F2: variants seen among roughly 807,000 people sequenced by gnomAD.
The protein encoded by F2 is coagulation factor II, thrombin.
In F2, 34 loss-of-function variants were observed where a neutral mutation model predicts 81.9. The observed-to-expected ratio is 0.42, with a 90% CI of 0.32 to 0.55. The LOEUF is 0.55. Among genes scored for constraint, F2 ranks in the 20% least tolerant of loss-of-function variants. The probability of loss-of-function intolerance (pLI) is 0.18; values close to 1 mark genes in which losing one functional copy is unlikely to be tolerated. For missense variants in F2, 630 were observed against 833.4 expected (o/e 0.76, Z 3.00); for synonymous variants, 296 against 326.4 (o/e 0.91, Z 1.01).
chr11:46,733,753 G>GT (rs2064927122), intron 12 of F2, among the ~76,000 whole-genome samples: 1 of 146,202 alleles, frequency 6.8e-6, no homozygotes, highest in Admixed American at 6.9e-5. Context: ...TGAAAATGAG[G>GT]TTGAACATCG....
At chr11:46,738,366 G>T (rs3136511) in intron 12 of F2, among the ~76,000 whole-genome samples, 1 of 152,168 alleles carries the variant, frequency 6.6e-6, no homozygotes, top group Non-Finnish European at 1.5e-5. Flanking sequence ...TAGAGGATAC[G>T]TGGGGAGATT....
intron 4 of F2, 33 bp downstream of exon 4, chr11:46,720,873 C>G (rs1237024730): frequency 6.2e-7 from 1 of 1,613,144 alleles, no homozygotes; most frequent in Non-Finnish European, 8.5e-7. Context: ...GGGAGCAGGA[C>G]ATGGAGGGGA....
chr11:46,722,205 C>G (rs2064841754), intron 4 of F2, among the ~76,000 whole-genome samples: 1 of 152,172 alleles, frequency 6.6e-6, no homozygotes, highest in Non-Finnish European at 1.5e-5. Flanking sequence ...GTGCCAGGCA[C>G]TATATCAGGT....
chr11:46,732,201 A>C (rs1228077249), intron 12 of F2, among the ~76,000 whole-genome samples: 2 of 151,928 alleles, frequency 1.3e-5, no homozygotes, highest in Non-Finnish European at 2.9e-5. Context: ...GGTGTGAGCC[A>C]ATACGCCTGG....
intron 12 of F2, among the ~76,000 whole-genome samples, chr11:46,738,532 G>A (rs1357552741): frequency 6.6e-6 from 1 of 151,948 alleles, no homozygotes; most frequent in Non-Finnish European, 1.5e-5. Context: ...GGAGTGTGGT[G>A]ACATGATCAC....
intron 12 of F2, among the ~76,000 whole-genome samples, chr11:46,735,770 A>C (rs1348944884): frequency 6.6e-6 from 1 of 151,840 alleles, no homozygotes; most frequent in East Asian, 1.9e-4. Context: ...TAAAAATACA[A>C]AATTAGCCAG....
At chr11:46,720,701 C>G in intron 3 of F2, 89 bp from the exon 4 acceptor site, 1 of 1,544,130 alleles carries the variant, frequency 6.5e-7, no homozygotes, top group Non-Finnish European at 9.0e-7. Context: ...ATCCATCTTT[C>G]TGTTTCTCAC....
At chr11:46,735,918 C>T (rs184641296) in intron 12 of F2, among the ~76,000 whole-genome samples, 239 of 146,328 alleles carry the variant, frequency 1.6e-3, no homozygotes, top group Non-Finnish European at 2.7e-3. Context: ...GTAAAAACTC[C>T]GTTTCGCCAG....
chr11:46,739,199 C>T (rs2064962380), intron 13 of F2, 66 bp from the exon 14 acceptor site: 7 of 1,613,486 alleles, frequency 4.3e-6, no homozygotes, highest in Middle Eastern at 3.3e-4. Flanking sequence ...AAACAGTTGC[C>T]TGGCAGGGGA....
chr11:46,729,642 G>A, intron 12 of F2, 81 bp downstream of exon 12: 1 of 1,529,186 alleles, frequency 6.5e-7, no homozygotes, highest in Admixed American at 1.8e-5. Context: ...CAAGCCATGT[G>A]ACTTTGAGCA....
Position 46,729,394 on chromosome 11 carries a change from G to T in F2, c.1487G>T (p.Gly496Val). 1 of 1,614,014 alleles carries T rather than the reference G, an allele frequency of 6.2e-7. No individual in the cohort carries two copies. The highest frequency in any genetic ancestry group is 8.5e-7 in the Non-Finnish European group (1 of 1,179,980). Reference sequence around the variant, plus strand: ...CTTCCCCAAAGCTTGCTCCAGGCTGGATACAAGGGGCGGGTGACAGGCTGG... The same window carrying T: ...CTTCCCCAAAGCTTGCTCCAGGCTGTATACAAGGGGCGGGTGACAGGCTGG... ...RETAASLLQAGYKGRVTGWGN... is the reference protein window; with the variant it reads ...RETAASLLQAVYKGRVTGWGN... Residue 496 changes from glycine to valine, a missense_variant, in exon 12 of 14, where the codon GGA becomes GTA. Coordinates refer to ENST00000311907, the MANE Select transcript of F2 (RefSeq NM_000506.5).
Position 46,739,136 on chromosome 11 carries a change from C to T in F2, c.1725+18C>T. The T allele has an allele frequency of 6.2e-7, 1 of 1,614,140 alleles. No homozygotes were observed. The highest frequency in any genetic ancestry group is 8.5e-7 in the Non-Finnish European group (1 of 1,180,014). On this transcript the variant is annotated intron_variant, in intron 13 of 13. Coordinates refer to ENST00000311907, the MANE Select transcript of F2 (RefSeq NM_000506.5). ...TCATGAAGGTAAGCTTCTCTAAAGC[C>T]CAGGGCCTGGTGAACACATCTTCTG...
chr11:46,719,832 C>T lies in F2; in HGVS notation c.210C>T (p.Ala70=). The T allele has an allele frequency of 6.3e-7, 1 of 1,580,994 alleles. No homozygotes were observed. The highest frequency in any genetic ancestry group is 1.3e-5 in the African/African-American group (1 of 74,410). The change falls in exon 2 of 14, where the codon GCC becomes GCT. Residue 70 remains alanine, a synonymous_variant. Coordinates refer to ENST00000311907, the MANE Select transcript of F2 (RefSeq NM_000506.5). This position sits in a 1 kb window ranked among gnomAD's most constrained non-coding sequence, Gnocchi z 4.7. ...CVEETCSYEE[A]FEALESSTAT... The stretch of plus-strand genomic sequence containing the variant: ...AGGAGACGTGCAGCTACGAGGAGGC[C>T]TTCGAGGCTCTGGAGTCCTCCACGG...
At position 46,726,894 on chromosome 11, in the gene F2, C is replaced by A; in HGVS notation, c.1130+57C>A. The A allele has an allele frequency of 1.2e-6, 2 of 1,608,646 alleles. No homozygotes were observed. The highest frequency in any genetic ancestry group is 1.7e-6 in the Non-Finnish European group (2 of 1,176,224). On this transcript the variant is annotated intron_variant, in intron 9 of 13. Transcript: ENST00000311907. This position sits in a 1 kb window ranked among gnomAD's most constrained non-coding sequence, Gnocchi z 5.9. ...TCCTGGGGGCAGGTGTGCTGCTGGA[C>A]CCCCACCCTCAGGCCCTGCCTGCAG...
chr11:46,724,395 T>G (rs1020794675), intron 6 of F2, among the ~76,000 whole-genome samples: 2 of 152,104 alleles, frequency 1.3e-5, no homozygotes, highest in African/African-American at 4.8e-5. Flanking sequence ...TGGCTCCTCG[T>G]TGAGGGTTGG....
In F2 at chr11:46,739,430, T is replaced by C. The variant is rs773661479; in HGVS notation, c.*22T>C. The C allele has an allele frequency of 2.1e-5, 34 of 1,613,884 alleles. No homozygotes were observed. Among genetic ancestry groups the C allele is most frequent in the Non-Finnish European group, 2.9e-5 (34 of 1,179,946 alleles). ...GTAGGGGGCCACTCATATTCTGGGC[T>C]CCTGGAACCAATCCCGTGAAAGAAT... On this transcript the variant is annotated 3_prime_UTR_variant, in exon 14 of 14. Coordinates refer to ENST00000311907, the MANE Select transcript of F2 (RefSeq NM_000506.5).
chr11:46,737,583 G>A (rs1045928432), intron 12 of F2, among the ~76,000 whole-genome samples: 14 of 151,048 alleles, frequency 9.3e-5, no homozygotes, highest in African/African-American at 3.4e-4. Context: ...TGGGACTACA[G>A]GTGTACACTG....
chr11:46,728,120 G>A lies in F2; in HGVS notation c.1255G>A (p.Glu419Lys), dbSNP rs773185975. The A allele has an allele frequency of 1.9e-6, 3 of 1,611,008 alleles. No individual in the cohort carries two copies. The highest frequency in any genetic ancestry group is 2.2e-5 in the East Asian group (1 of 44,854). Reference protein sequence around the residue: ...LYPPWDKNFTENDLLVRIGKH... With the variant: ...LYPPWDKNFTKNDLLVRIGKH... ...CCCGCCCTGGGACAAGAACTTCACC[G>A]AGAATGACCTTCTGGTGCGCATTGG... is the stretch of plus-strand genomic sequence containing the variant. Residue 419 changes from glutamate to lysine, a missense_variant, in exon 10 of 14, where the codon GAG becomes AAG. Glu to Lys is a moderately conservative substitution (Grantham distance 56, BLOSUM62 1). Coordinates refer to ENST00000311907, the MANE Select transcript of F2 (RefSeq NM_000506.5). The surrounding 1 kb of genome is among the most constrained non-coding windows in gnomAD (Gnocchi z 5.1).
At chr11:46,720,636 GCCATCCAC>G (rs1234518907) in intron 3 of F2, 89 bp downstream of exon 3, 2 of 1,548,228 alleles carry the variant, frequency 1.3e-6, no homozygotes, top group Non-Finnish European at 1.8e-6. Flanking sequence ...GCTGCACCTA[GCCATCCAC>G]CCATCCACCC....
Sources: gnomAD v4.1 joint callset for allele counts (sites outside exome capture counted in the v4.1 genomes callset) on GRCh38, gnomAD v4.1.1 for gene constraint, Gnocchi (gnomAD v3.1) non-coding constraint, MANE v1.5 for transcripts, NCBI Gene and HGNC (gene_info 2026-07-23, HGNC 2026-07-21) for gene names.